KCNA2: variants seen among roughly 807,000 people sequenced by gnomAD.
KCNA2 encodes the protein potassium channel, voltage gated shaker related subfamily A, member 2.
KCNA2 carries 11 observed loss-of-function variants against 33.4 expected under a neutral mutation model. The observed-to-expected ratio is 0.33, with a 90% CI of 0.21 to 0.55. The LOEUF is 0.55. Among genes scored for constraint, KCNA2 ranks in the 20% least tolerant of loss-of-function variants. The pLI is 0.93. For synonymous variants in KCNA2, 222 were observed against 231.3 expected (o/e 0.96, Z 0.37); for missense variants, 291 against 621.6 (o/e 0.47, Z 5.66).
In KCNA2 at chr1:110,599,776, A is replaced by T. The variant is rs1336960273; in HGVS notation, c.*3507T>A. On this transcript the variant is annotated 3_prime_UTR_variant, in exon 3 of 3. Coordinates refer to ENST00000316361, the MANE Select transcript of KCNA2 (RefSeq NM_004974.4). ...TAAGAGAATAGGGCTGAATCTGGAG[A>T]TCCCAGGTGCTGGGAGAAGGGGAGC... is the stretch of plus-strand genomic sequence containing the variant. 1.0e-6 allele frequency: 1 copy of T among 985,270 alleles called. No individual in the cohort carries two copies. The highest frequency in any genetic ancestry group is 1.2e-6 in the Non-Finnish European group (1 of 830,010). 61.0% of individuals were successfully genotyped at this position (985,270 alleles called of 1,614,324 possible).
chr1:110,594,080 C>A lies in KCNA2; in HGVS notation c.*9203G>T. 4 of 1,439,948 alleles carry A rather than the reference C, an allele frequency of 2.8e-6. No individual in the cohort carries two copies. The highest frequency in any genetic ancestry group is 1.5e-5 in the South Asian group (1 of 65,096). The allele number at this position is 1,439,948 out of a possible 1,614,324, so 89.2% of individuals were successfully genotyped here. On this transcript the variant is annotated 3_prime_UTR_variant, in exon 3 of 3. Transcript: ENST00000316361. The stretch of plus-strand genomic sequence containing the variant: ...CCCTTTCGGCATCATCCTTACGAAG[C>A]TTTACCATCAGCCTTGGAGTTCCTT...
In KCNA2 at chr1:110,594,119, C is replaced by G. The variant is rs1010426843; in HGVS notation, c.*9164G>C. 1.0e-5 allele frequency: 14 copies of G among 1,389,742 alleles called. No homozygotes were observed. In the African/African-American group the frequency reaches 2.1e-4, roughly 20 times the overall value. The allele number at this position is 1,389,742 out of a possible 1,614,324, so 86.1% of individuals were successfully genotyped here. ...TTGGAGTTCCTTCTGCTATTGATCC[C>G]AAGGAGGCTTATTTATCTACCTCTT... On this transcript the variant is annotated 3_prime_UTR_variant, in exon 3 of 3. Coordinates refer to ENST00000316361, the MANE Select transcript of KCNA2 (RefSeq NM_004974.4).
rs1288106799 is a variant in KCNA2 at position 110,600,552 on chromosome 1, A to G, written c.*2731T>C. 9 of 985,140 alleles carry G rather than the reference A, an allele frequency of 9.1e-6. No homozygotes were observed. The highest frequency in any genetic ancestry group is 1.1e-5 in the Non-Finnish European group (9 of 829,870). 61.0% of individuals were successfully genotyped at this position (985,140 alleles called of 1,614,324 possible). On this transcript the variant is annotated 3_prime_UTR_variant, in exon 3 of 3. Transcript: ENST00000316361. Reference sequence around the variant, plus strand: ...GGTCTGTCTGTATTTTGCACGTTACATGTTTTATGTTTGTGTGTGACAACA... The same window carrying G: ...GGTCTGTCTGTATTTTGCACGTTACGTGTTTTATGTTTGTGTGTGACAACA...
Position 110,601,788 on chromosome 1 carries a change from ATATATATGTGTGTG to A in KCNA2, c.*1481_*1494del, listed in dbSNP as rs1649356944. The A allele has an allele frequency of 8.5e-7, 1 of 1,180,384 alleles. No homozygotes were observed. The highest frequency in any genetic ancestry group is 3.8e-5 in the East Asian group (1 of 26,230). The allele number at this position is 1,180,384 out of a possible 1,614,324, so 73.1% of individuals were successfully genotyped here. A position where few individuals can be genotyped will look rare whatever the true frequency, so the allele number is the denominator to read the frequency against. On this transcript the variant is annotated 3_prime_UTR_variant, in exon 3 of 3. Transcript: ENST00000316361. The stretch of plus-strand genomic sequence containing the variant: ...AACTCCAGAAAATGAATATATATAT[ATATATATGTGTGTG>A]TGTGTGTGTGTGTGTGTGTGTGTGT...
At chr1:110,620,363 T>C (rs1426691792) in intron 1 of KCNA2, among the ~76,000 whole-genome samples, 1 of 152,112 alleles carries the variant, frequency 6.6e-6, no homozygotes, top group African/African-American at 2.4e-5. Context: ...ACAGCCCAGG[T>C]CTTCCTGTTG....
upstream of KCNA2, among the ~76,000 whole-genome samples, chr1:110,608,582 G>A (rs1402075739): frequency 1.3e-5 from 2 of 152,200 alleles, no homozygotes; most frequent in Admixed American, 1.3e-4. Context: ...TGAAGACTGG[G>A]AGCCTGCCTA....
In KCNA2 at chr1:110,595,500, T is replaced by A; in HGVS notation, c.*7783A>T. 1 of 985,382 alleles carries A rather than the reference T, an allele frequency of 1.0e-6. No homozygotes were observed. The highest frequency in any genetic ancestry group is 1.2e-6 in the Non-Finnish European group (1 of 829,942). The allele number at this position is 985,382 out of a possible 1,614,324, so 61.0% of individuals were successfully genotyped here. On this transcript the variant is annotated 3_prime_UTR_variant, in exon 3 of 3. Coordinates refer to ENST00000316361, the MANE Select transcript of KCNA2 (RefSeq NM_004974.4). ...GGCAGACACCCCTGCACCACTTCAA[T>A]TGCTCCAGATACAGTGAAAAATCCC...
At chr1:110,625,126 A>G (rs528623808) in intron 1 of KCNA2, among the ~76,000 whole-genome samples, 3 of 152,360 alleles carry the variant, frequency 2.0e-5, no homozygotes, top group South Asian at 4.1e-4. Context: ...GGCCCATTGC[A>G]GAAGCATTCT....
intron 1 of KCNA2, among the ~76,000 whole-genome samples, chr1:110,627,291 C>G (rs2821554): frequency 0.74 from 112,123 of 152,098 alleles, 43,047 homozygotes; most frequent in Non-Finnish European, 0.83. Context: ...TGGAGTTGTT[C>G]AGGATTAATG....
rs1649165072 is a variant in KCNA2, at chr1:110,597,861, G to A, written c.*5422C>T. ...CTATGAGAGATGAAGCTGAGATTTG[G>A]TGGGAAGGGAAGCAGAAAAAAAGGA... is the stretch of plus-strand genomic sequence containing the variant. On this transcript the variant is annotated 3_prime_UTR_variant, in exon 3 of 3. Transcript: ENST00000316361. 2.0e-6 allele frequency: 2 copies of A among 985,180 alleles called. No homozygotes were observed. The highest frequency in any genetic ancestry group is 9.4e-5 in the South Asian group (2 of 21,278). The allele number at this position is 985,180 out of a possible 1,614,324, so 61.0% of individuals were successfully genotyped here. A position where few individuals can be genotyped will look rare whatever the true frequency, so the allele number is the denominator to read the frequency against.
chr1:110,618,655 G>T (rs1650150376), intron 1 of KCNA2, among the ~76,000 whole-genome samples: 1 of 152,082 alleles, frequency 6.6e-6, no homozygotes, highest in African/African-American at 2.4e-5. Context: ...GAGTCTAATT[G>T]GCAGCTCAAA....
chr1:110,615,831 C>T (rs575042900), intron 1 of KCNA2, among the ~76,000 whole-genome samples: 11 of 152,252 alleles, frequency 7.2e-5, no homozygotes, highest in East Asian at 1.9e-4. Flanking sequence ...AGGGTCGGGG[C>T]GCCTGGGGAG....
At chr1:110,612,201 G>A (rs376606882) in intron 1 of KCNA2, among the ~76,000 whole-genome samples, 2 of 152,224 alleles carry the variant, frequency 1.3e-5, no homozygotes, top group South Asian at 2.1e-4. Flanking sequence ...GTACAGTCAC[G>A]CGTCACCTAA....
At position 110,598,330 on chromosome 1, in the gene KCNA2, C is replaced by T; in HGVS notation, c.*4953G>A. 5.3e-6 allele frequency: 5 copies of T among 945,346 alleles called. No individual in the cohort carries two copies. The highest frequency in any genetic ancestry group is 6.3e-6 in the Non-Finnish European group (5 of 793,582). The allele number at this position is 945,346 out of a possible 1,614,324, so 58.6% of individuals were successfully genotyped here. On this transcript the variant is annotated 3_prime_UTR_variant, in exon 3 of 3. Transcript: ENST00000316361. The stretch of plus-strand genomic sequence containing the variant: ...CAAGTCAAAGCACTGTGCTCCCCTG[C>T]CTGACATAGGGGTAGTGGTGCCACC...
In KCNA2 at chr1:110,598,985, A is replaced by T. The variant is rs1427671706; in HGVS notation, c.*4298T>A. The T allele has an allele frequency of 1.0e-6, 1 of 985,308 alleles. No individual in the cohort carries two copies. The highest frequency in any genetic ancestry group is 1.2e-6 in the Non-Finnish European group (1 of 829,938). The allele number at this position is 985,308 out of a possible 1,614,324, so 61.0% of individuals were successfully genotyped here. A position where few individuals can be genotyped will look rare whatever the true frequency, so the allele number is the denominator to read the frequency against. ...AATGAATCCACAGAGGCACTTGATG[A>T]AGCCAACAGGAATGGTACCTTGACC... On this transcript the variant is annotated 3_prime_UTR_variant, in exon 3 of 3. Coordinates refer to ENST00000316361, the MANE Select transcript of KCNA2 (RefSeq NM_004974.4).
At chr1:110,606,679 AGG>A (rs1649645619), upstream of KCNA2, 1 of 152,256 alleles carries the variant, frequency 6.6e-6, no homozygotes, top group Non-Finnish European at 1.5e-5. Context: ...CGTCCAGCCG[AGG>A]GACCGCCGAG....
chr1:110,621,765 A>T (rs186854304), intron 1 of KCNA2, among the ~76,000 whole-genome samples: 2 of 152,330 alleles, frequency 1.3e-5, no homozygotes, highest in Admixed American at 1.3e-4. Context: ...CGTGAGAGAC[A>T]TAAACTACCA....
intron 1 of KCNA2, among the ~76,000 whole-genome samples, chr1:110,629,206 G>C (rs868621261): frequency 2.1e-4 from 32 of 152,112 alleles, no homozygotes; most frequent in Admixed American, 9.8e-4. Context: ...GGCTGTTAGT[G>C]ATCCCCAATT....
rs1290326912 is a variant in KCNA2 at position 110,599,908 on chromosome 1, C to A, written c.*3375G>T. 1 of 985,260 alleles carries A rather than the reference C, an allele frequency of 1.0e-6. No individual in the cohort carries two copies. Among genetic ancestry groups the A allele is most frequent in the East Asian group, 1.1e-4 (1 of 8,822 alleles). 61.0% of individuals were successfully genotyped at this position (985,260 alleles called of 1,614,324 possible). A position where few individuals can be genotyped will look rare whatever the true frequency, so the allele number is the denominator to read the frequency against. On this transcript the variant is annotated 3_prime_UTR_variant, in exon 3 of 3. Transcript: ENST00000316361. ...GTCCCAGGTACTTTCACACCCTGCA[C>A]CCAGGTTTCTGGTGGGAGGAAGGTG... is the stretch of plus-strand genomic sequence containing the variant.
Sources: gnomAD v4.1 joint callset for allele counts (sites outside exome capture counted in the v4.1 genomes callset) on GRCh38, gnomAD v4.1.1 for gene constraint, MANE v1.5 for transcripts, NCBI Gene and HGNC (gene_info 2026-07-23, HGNC 2026-07-21) for gene names.